Variants in RNASEH2B observed in about 807,000 individuals in gnomAD.
The protein encoded by RNASEH2B is Aicardi-Goutieres syndrome 2 protein.
Under a neutral mutation model 45.0 loss-of-function variants are expected in RNASEH2B, and 36 were observed. The ratio of observed to expected loss-of-function variants is 0.80; its 90% CI spans 0.61 to 1.06. RNASEH2B has a LOEUF of 1.06. Ranked by LOEUF, RNASEH2B falls within the 50% of genes least tolerant of loss-of-function variation. The pLI, the probability that RNASEH2B is intolerant of heterozygous loss-of-function variation, is 0.00. For synonymous variants in RNASEH2B, 119 were observed against 125.7 expected (o/e 0.95, Z 0.35); for missense variants, 361 against 360.3 (o/e 1.00, Z -0.02).
chr13:50,969,309 G>GT (rs936222137), intron 9 of RNASEH2B, among the ~76,000 whole-genome samples: 19 of 151,256 alleles, frequency 1.3e-4, no homozygotes, highest in Admixed American at 2.6e-4. Context: ...CCATGTACAT[G>GT]TTTTTTTTTG....
At chr13:50,932,411 C>T (rs1951691402) in intron 4 of RNASEH2B, among the ~76,000 whole-genome samples, 1 of 152,164 alleles carries the variant, frequency 6.6e-6, no homozygotes, top group Non-Finnish European at 1.5e-5. Flanking sequence ...ATTGCTTTTA[C>T]TACTTGCTCA....
At position 50,956,419 on chromosome 13, in the gene RNASEH2B, A is replaced by G; in HGVS notation, c.884A>G (p.Lys295Arg). 6.2e-7 allele frequency: 1 copy of G among 1,603,234 alleles called. No homozygotes were observed. The highest frequency in any genetic ancestry group is 2.2e-5 in the East Asian group (1 of 44,666). Residue 295 changes from lysine (K) to arginine (R), a missense_variant, in exon 11 of 11, where the codon AAA becomes AGA. Lys to Arg is a conservative substitution (Grantham distance 26). Transcript: ENST00000336617. ...ALAKVDKSGM[K>R]SIDTFFGVKN... is the part of the protein sequence containing the mutation. ...GCTAAAGTTGACAAGAGTGGAATGA[A>G]AAGTATTGATACCTTTTTTGGGGTA...
chr13:50,960,956 G>C (rs1952106491), downstream of RNASEH2B, among the ~76,000 whole-genome samples: 3 of 151,968 alleles, frequency 2.0e-5, no homozygotes, highest in Admixed American at 2.0e-4. Context: ...TCTGTTCTTT[G>C]TCTTACTTGA....
chr13:50,954,350 G>C (rs1033564703), intron 10 of RNASEH2B: 1 of 432,494 alleles, frequency 2.3e-6, no homozygotes, highest in East Asian at 3.8e-5. Flanking sequence ...TCACCATTCA[G>C]CATTCACCCT....
rs144490106 is a variant in RNASEH2B, at chr13:50,967,579, G to A, written c.742-2353G>A. On this transcript the variant is annotated intron_variant, in intron 9 of 9. Transcript: ENST00000422660. ...CATCACACAGCTAATGAGTAACTGA[G>A]CCAGAACTTGAATTCAGGACCTCTC... Among the ~76,000 whole-genome samples the A allele has an allele frequency of 2.6e-5, 4 of 152,278 alleles. No individual in the cohort carries two copies. The East Asian group carries it at 5.8e-4, about 22-fold the overall frequency.
chr13:50,914,615 A>G (rs1265757406), intron 1 of RNASEH2B, among the ~76,000 whole-genome samples: 1 of 152,156 alleles, frequency 6.6e-6, no homozygotes, highest in Non-Finnish European at 1.5e-5. Flanking sequence ...TCAGATGGCC[A>G]CTGGATCTGC....
intron 1 of RNASEH2B, chr13:50,915,591 A>C (rs1879693044): frequency 5.0e-6 from 2 of 397,576 alleles, no homozygotes; most frequent in Non-Finnish European, 4.4e-6. Context: ...GAGAGAGTCC[A>C]AGTGTGTTTT....
chr13:50,967,784 T>G (rs980798816), intron 9 of RNASEH2B, among the ~76,000 whole-genome samples: 3 of 152,236 alleles, frequency 2.0e-5, no homozygotes, highest in Admixed American at 6.5e-5. Context: ...GTATTACATA[T>G]TTTCTCCCAA....
At position 50,956,655 on chromosome 13, in the gene RNASEH2B, C is replaced by T; in HGVS notation, c.*181C>T. On this transcript the variant is annotated 3_prime_UTR_variant, in exon 11 of 11. Transcript: ENST00000336617. ...CAAAATATGGGAAAGTGTCTAACTT[C>T]ATGGCTATGGCCTTTTGGAGTCTCA... 1 of 1,381,556 alleles carries T rather than the reference C, an allele frequency of 7.2e-7. No individual in the cohort carries two copies. The highest frequency in any genetic ancestry group is 2.8e-5 in the Admixed American group (1 of 35,592). 85.6% of individuals were successfully genotyped at this position (1,381,556 alleles called of 1,614,324 possible).
intron 1 of RNASEH2B, among the ~76,000 whole-genome samples, chr13:50,917,102 C>T (rs1016437544): frequency 6.6e-6 from 1 of 152,220 alleles, no homozygotes; most frequent in Non-Finnish European, 1.5e-5. Context: ...ACTGGTCCTG[C>T]TGTGGTCACA....
At chr13:50,927,262 C>A in intron 1 of RNASEH2B, 145 bp from the exon 2 acceptor site, 1 of 601,864 alleles carries the variant, frequency 1.7e-6, no homozygotes, top group Non-Finnish European at 3.0e-6. Flanking sequence ...GTAATTTGCT[C>A]AAGATCACAA....
In RNASEH2B at chr13:50,961,822, GT is replaced by G. The variant is rs139317002; in HGVS notation, c.742-8104del. Among the ~76,000 whole-genome samples, 3 of 151,980 alleles carry G rather than the reference GT, an allele frequency of 2.0e-5. No individual in the cohort carries two copies. The South Asian group carries it at 6.2e-4, about 32-fold the overall frequency. On this transcript the variant is annotated intron_variant, in intron 9 of 9. Coordinates refer to the RNASEH2B transcript ENST00000422660. ...CTATCAGTATTTATCTATGTGTGTG[GT>G]TTTTTGTAGATTCCCTTTATCAGGC...
intron 1 of RNASEH2B, among the ~76,000 whole-genome samples, chr13:50,914,953 A>G (rs1879652358): frequency 6.6e-6 from 1 of 152,222 alleles, no homozygotes; most frequent in South Asian, 2.1e-4. Flanking sequence ...ATAATAACAC[A>G]GACTTAAAAG....
chr13:50,956,757 A>G lies in RNASEH2B; in HGVS notation c.*283A>G. The G allele has an allele frequency of 8.5e-7, 1 of 1,179,890 alleles. No individual in the cohort carries two copies. The highest frequency in any genetic ancestry group is 1.1e-6 in the Non-Finnish European group (1 of 940,940). 73.1% of individuals were successfully genotyped at this position (1,179,890 alleles called of 1,614,324 possible). A position where few individuals can be genotyped will look rare whatever the true frequency, so the allele number is the denominator to read the frequency against. ...GATTTTCTCAATAAACTGATGTGTG[A>G]CAATGTTAGAGTGTATGACTGCTTT... On this transcript the variant is annotated 3_prime_UTR_variant, in exon 11 of 11. Transcript: ENST00000336617.
At chr13:50,962,898 A>G (rs1276153899) in intron 9 of RNASEH2B, among the ~76,000 whole-genome samples, 1 of 151,784 alleles carries the variant, frequency 6.6e-6, no homozygotes, top group Admixed American at 6.6e-5. Context: ...TCTGGCCAAT[A>G]TTTCTTTAAA....
At chr13:50,937,347 G>C (rs1253237153) in intron 5 of RNASEH2B, 1 of 151,980 alleles carries the variant, frequency 6.6e-6, no homozygotes, top group Non-Finnish European at 1.5e-5. Context: ...TCAGCCTCCT[G>C]AGTAGCTAAG....
At chr13:50,939,738 G>A (rs539859981) in intron 5 of RNASEH2B, among the ~76,000 whole-genome samples, 6 of 151,898 alleles carry the variant, frequency 4.0e-5, no homozygotes, top group African/African-American at 4.8e-5. Context: ...GAAAAATAAC[G>A]TTGATTCTTA....
intron 9 of RNASEH2B, among the ~76,000 whole-genome samples, chr13:50,963,444 C>T (rs899595840): frequency 1.3e-5 from 2 of 152,032 alleles, no homozygotes; most frequent in African/African-American, 4.8e-5. Flanking sequence ...GATTACAGGC[C>T]TGAGCCACCA....
In RNASEH2B at chr13:50,953,936, C is replaced by T. The variant is rs972687891; in HGVS notation, c.773C>T (p.Ala258Val). The T allele has an allele frequency of 6.2e-7, 1 of 1,607,870 alleles. No individual in the cohort carries two copies. The highest frequency in any genetic ancestry group is 1.1e-5 in the South Asian group (1 of 90,946). ...KIKLSDEPVEAKEDYTKFNTK... is the reference protein window; with the variant it reads ...KIKLSDEPVEVKEDYTKFNTK... ...AAGTTATCAGATGAGCCTGTAGAAG[C>T]AAAAGAAGATTACACTAAGTTTAAT... The change falls in exon 10 of 11, where the codon GCA (alanine) becomes GTA (valine). Residue 258 changes from alanine to valine, a missense_variant. Ala to Val is a moderately conservative substitution (Grantham distance 64, BLOSUM62 0). Coordinates refer to ENST00000336617, the MANE Select transcript of RNASEH2B (RefSeq NM_024570.4).
Sources: gnomAD v4.1 joint callset for allele counts (sites outside exome capture counted in the v4.1 genomes callset) on GRCh38, gnomAD v4.1.1 for gene constraint, MANE v1.5 for transcripts, NCBI Gene and HGNC (gene_info 2026-07-23, HGNC 2026-07-21) for gene names.